Variants in NAV2 observed in about 807,000 individuals in gnomAD.
NAV2 encodes the protein helicase, APC down-regulated 1.
A neutral mutation model predicts 223.2 loss-of-function variants in NAV2; 54 were observed. The ratio of observed to expected loss-of-function variants is 0.24; its 90% CI spans 0.19 to 0.30. The LOEUF is 0.30. NAV2 is among the 10% of genes least tolerant of loss of function. The pLI is 1.00. For missense variants in NAV2, 2,806 were observed against 3,147.5 expected, an observed-to-expected ratio of 0.89 and a Z score of 2.60; for synonymous variants, 1,279 against 1,239.3, an observed-to-expected ratio of 1.03 and a Z score of -0.67.
At chr11:19,841,750 G>A (rs2060524611) in intron 2 of NAV2, among the ~76,000 whole-genome samples, 1 of 152,168 alleles carries the variant, frequency 6.6e-6, no homozygotes, top group Non-Finnish European at 1.5e-5. Context: ...GTCCTTTACT[G>A]TGGAGCCCTA....
intron 1 of NAV2, chr11:19,505,007 G>A (rs2043079902): frequency 6.6e-6 from 1 of 152,282 alleles, no homozygotes; most frequent in Non-Finnish European, 1.5e-5. Flanking sequence ...TGAAACCCAG[G>A]CCTGTTGGAG....
intron 1 of NAV2, among the ~76,000 whole-genome samples, chr11:19,775,336 A>G (rs917029035): frequency 6.6e-6 from 1 of 152,194 alleles, no homozygotes; most frequent in Non-Finnish European, 1.5e-5. Context: ...AGAGATGTAC[A>G]TAGAAGGGCC....
In NAV2 at chr11:19,930,701, T is replaced by C. The variant is rs1008767470; in HGVS notation, c.932-2475T>C. ...AGCTCAAAGAATGAATAGATACATATGAATGAATATACTGAATGAATGAAT... is the reference window on the plus strand; with the variant it reads ...AGCTCAAAGAATGAATAGATACATACGAATGAATATACTGAATGAATGAAT... On this transcript the variant is annotated intron_variant, in intron 6 of 37. Transcript: ENST00000349880. 6.6e-5 allele frequency among the ~76,000 whole-genome samples: 10 copies of C among 152,290 alleles called. No individual in the cohort carries two copies. The South Asian group carries it at 2.1e-3, about 32-fold the overall frequency.
At chr11:19,607,960 T>G (rs2046526449) in intron 1 of NAV2, among the ~76,000 whole-genome samples, 1 of 152,222 alleles carries the variant, frequency 6.6e-6, no homozygotes. Flanking sequence ...ATTGATGGCT[T>G]ACTTTGATCC....
Position 19,545,688 on chromosome 11 carries a change from C to T in NAV2, c.75+194661C>T, listed in dbSNP as rs180981150. ...TCCTAAGACGAGCTTGTCCAACCCG[C>T]GGCCCAGGGTGGCTTTAAATGCAGC... On this transcript the variant is annotated intron_variant, in intron 1 of 37. Coordinates refer to the NAV2 transcript ENST00000360655. Among the ~76,000 whole-genome samples the T allele has an allele frequency of 1.3e-3, 205 of 152,154 alleles. 1 individual carries two copies. The highest frequency in any genetic ancestry group is 6.7e-3 in the South Asian group (32 of 4,800).
chr11:19,567,393 C>T (rs2045300583), intron 1 of NAV2, among the ~76,000 whole-genome samples: 1 of 152,184 alleles, frequency 6.6e-6, no homozygotes, highest in Admixed American at 6.5e-5. Context: ...TGTTTTGGAC[C>T]AATGTATATG....
At chr11:19,434,951 A>G (rs1218774096) in intron 1 of NAV2, among the ~76,000 whole-genome samples, 1 of 151,180 alleles carries the variant, frequency 6.6e-6, no homozygotes, top group African/African-American at 2.4e-5. Context: ...AGTTCTTTGA[A>G]ATCTTTTCTT....
At chr11:20,081,379 G>A (rs959387103) in intron 25 of NAV2, among the ~76,000 whole-genome samples, 2 of 152,240 alleles carry the variant, frequency 1.3e-5, no homozygotes, top group South Asian at 2.1e-4. Flanking sequence ...TATTTTCTAC[G>A]AAAAATAGTG....
At chr11:19,783,685 G>T (rs1429026465) in intron 1 of NAV2, among the ~76,000 whole-genome samples, 1 of 152,060 alleles carries the variant, frequency 6.6e-6, no homozygotes, top group Non-Finnish European at 1.5e-5. Context: ...GTGCAACCTG[G>T]GGAGAATATT....
At chr11:19,896,505 CTG>C (rs1489622313) in intron 6 of NAV2, among the ~76,000 whole-genome samples, 1 of 152,078 alleles carries the variant, frequency 6.6e-6, no homozygotes, top group Non-Finnish European at 1.5e-5. Context: ...AAAATAAACA[CTG>C]AGAAAATTTT....
intron 1 of NAV2, among the ~76,000 whole-genome samples, chr11:19,499,138 G>A (rs2042886258): frequency 6.6e-6 from 1 of 152,222 alleles, no homozygotes; most frequent in African/African-American, 2.4e-5. Flanking sequence ...AGGCACAGCT[G>A]CCTTTGCCAC....
intron 1 of NAV2, among the ~76,000 whole-genome samples, chr11:19,811,172 C>A (rs1232314459): frequency 6.6e-6 from 1 of 152,156 alleles, no homozygotes; most frequent in Non-Finnish European, 1.5e-5. Flanking sequence ...GGATTTGAAT[C>A]AGGTCCGGCT....
At chr11:19,522,666 T>C (rs1402710413) in intron 1 of NAV2, among the ~76,000 whole-genome samples, 1 of 152,210 alleles carries the variant, frequency 6.6e-6, no homozygotes, top group Non-Finnish European at 1.5e-5. Flanking sequence ...ATTTGAAGTG[T>C]TGGGCATGCC....
At chr11:19,509,367 C>A (rs10833129) in intron 1 of NAV2, among the ~76,000 whole-genome samples, 7 of 151,948 alleles carry the variant, frequency 4.6e-5, no homozygotes, top group African/African-American at 7.3e-5. Context: ...TGCTGGGGCC[C>A]CAAACCCTCA....
chr11:19,825,547 GC>G (rs1378426130), intron 1 of NAV2, among the ~76,000 whole-genome samples: 1 of 152,090 alleles, frequency 6.6e-6, no homozygotes, highest in Non-Finnish European at 1.5e-5. Context: ...GATCCATCAG[GC>G]TGCCTGGCAT....
chr11:19,898,664 T>C (rs1055541923), intron 6 of NAV2, among the ~76,000 whole-genome samples: 1 of 152,214 alleles, frequency 6.6e-6, no homozygotes, highest in Admixed American at 6.5e-5. Context: ...GTTTTTTACA[T>C]GTATATAACC....
intron 37 of NAV2, among the ~76,000 whole-genome samples, chr11:20,117,147 C>G (rs1032759104): frequency 6.6e-6 from 1 of 152,130 alleles, no homozygotes; most frequent in African/African-American, 2.4e-5. Flanking sequence ...GCCCCATATT[C>G]CTGACTTACT....
chr11:19,715,357 C>T (rs1209023896), intron 1 of NAV2, among the ~76,000 whole-genome samples: 2 of 152,204 alleles, frequency 1.3e-5, no homozygotes, highest in Admixed American at 1.3e-4. Flanking sequence ...TGCTCTTCTT[C>T]TGTTGTTACG....
intron 1 of NAV2, among the ~76,000 whole-genome samples, chr11:19,658,778 G>A (rs1386328253): frequency 6.6e-6 from 1 of 152,140 alleles, no homozygotes; most frequent in Non-Finnish European, 1.5e-5. Context: ...TTTACACCAT[G>A]GAAATCAGAA....
Sources: allele counts gnomAD v4.1 joint callset (sites outside exome capture counted in the v4.1 genomes callset), GRCh38; gene constraint gnomAD v4.1.1; transcripts MANE v1.5; gene names NCBI Gene and HGNC (gene_info 2026-07-23, HGNC 2026-07-21).